The following ROBO2 variants were observed in gnomAD, a reference collection of about 807,000 sequenced individuals.
The protein encoded by ROBO2 is roundabout guidance receptor 2, also known as roundabout homolog 2.
A neutral mutation model predicts 160.8 loss-of-function variants in ROBO2; 53 were observed. That is an observed-to-expected ratio of 0.33 (90% CI 0.26 to 0.41). The LOEUF (loss-of-function observed/expected upper bound fraction) is 0.41. Among genes scored for constraint, ROBO2 ranks in the 10% least tolerant of loss-of-function variants. The pLI, the probability that ROBO2 is intolerant of heterozygous loss-of-function variation, is 1.00. For missense variants in ROBO2, 1,577 were observed against 1,722.4 expected, an observed-to-expected ratio of 0.92 and a Z score of 1.49; for synonymous variants, 664 against 611.7, an observed-to-expected ratio of 1.09 and a Z score of -1.26.
intron 2 of ROBO2, among the ~76,000 whole-genome samples, chr3:77,173,067 T>C (rs966833645): frequency 5.3e-5 from 8 of 152,182 alleles, no homozygotes; most frequent in Admixed American, 2.6e-4. Context: ...TAAATCAACA[T>C]GGCAGAATCA....
intron 2 of ROBO2, among the ~76,000 whole-genome samples, chr3:77,155,810 T>C (rs1235743334): frequency 6.6e-6 from 1 of 152,060 alleles, no homozygotes; most frequent in Non-Finnish European, 1.5e-5. Flanking sequence ...TTCATGTCGT[T>C]AACTATTCCC....
chr3:76,252,786 C>A (rs1706101710), intron 2 of ROBO2, among the ~76,000 whole-genome samples: 1 of 148,774 alleles, frequency 6.7e-6, no homozygotes, highest in African/African-American at 2.5e-5. Context: ...CACACACACA[C>A]ACACACAGAG....
chr3:77,352,235 G>A (rs868649862), intron 2 of ROBO2, among the ~76,000 whole-genome samples: 1 of 148,298 alleles, frequency 6.7e-6, no homozygotes, highest in Non-Finnish European at 1.5e-5. Flanking sequence ...TTTTTTTTCT[G>A]AAAAAAAAAT....
intron 2 of ROBO2, among the ~76,000 whole-genome samples, chr3:76,188,396 T>C (rs1363097826): frequency 6.6e-6 from 1 of 151,986 alleles, no homozygotes; most frequent in Non-Finnish European, 1.5e-5. Context: ...GGGCATGTCA[T>C]GATGGAGGCA....
chr3:76,046,023 G>A (rs1396068149), intron 2 of ROBO2, among the ~76,000 whole-genome samples: 1 of 151,818 alleles, frequency 6.6e-6, no homozygotes, highest in Non-Finnish European at 1.5e-5. Context: ...CACTTTGACT[G>A]CCAGCACTGC....
chr3:77,369,689 G>A (rs2071456032), intron 2 of ROBO2, among the ~76,000 whole-genome samples: 1 of 152,156 alleles, frequency 6.6e-6, no homozygotes, highest in African/African-American at 2.4e-5. Flanking sequence ...TTCCCTGCAA[G>A]AGGATACTGG....
intron 2 of ROBO2, among the ~76,000 whole-genome samples, chr3:76,811,503 TGTC>T (rs1419285837): frequency 1.3e-5 from 2 of 152,116 alleles, no homozygotes; most frequent in Non-Finnish European, 2.9e-5. Flanking sequence ...TGGTTTTAAA[TGTC>T]GTGTTTTAAA....
At chr3:75,986,547 A>T (rs2065420795) in intron 2 of ROBO2, among the ~76,000 whole-genome samples, 1 of 151,474 alleles carries the variant, frequency 6.6e-6, no homozygotes, top group African/African-American at 2.4e-5. Context: ...AAAAAAGTTT[A>T]TCAAGTACAG....
intron 2 of ROBO2, among the ~76,000 whole-genome samples, chr3:76,484,666 T>C (rs911802139): frequency 6.6e-6 from 1 of 152,206 alleles, no homozygotes; most frequent in African/African-American, 2.4e-5. Context: ...GGATAATTTG[T>C]GTTAGGTTAT....
intron 2 of ROBO2, among the ~76,000 whole-genome samples, chr3:77,399,942 T>A (rs920297292): frequency 6.6e-6 from 1 of 152,128 alleles, no homozygotes; most frequent in Non-Finnish European, 1.5e-5. Context: ...CAGGTTGAAA[T>A]CTGCAGTGCG....
intron 2 of ROBO2, among the ~76,000 whole-genome samples, chr3:77,396,328 T>C (rs1458422123): frequency 6.6e-6 from 1 of 152,150 alleles, no homozygotes; most frequent in Non-Finnish European, 1.5e-5. Context: ...TTCAAATAAA[T>C]TTATTTCTTT....
At chr3:77,276,483 C>CT (rs2059835781) in intron 2 of ROBO2, among the ~76,000 whole-genome samples, 2 of 152,170 alleles carry the variant, frequency 1.3e-5, no homozygotes, top group African/African-American at 2.4e-5. Flanking sequence ...AGAATGCAGG[C>CT]TGTGGCAGTA....
At chr3:76,709,908 C>A (rs77028239) in intron 2 of ROBO2, among the ~76,000 whole-genome samples, 1 of 152,126 alleles carries the variant, frequency 6.6e-6, no homozygotes, top group African/African-American at 2.4e-5. Flanking sequence ...TATAACCAGA[C>A]CACTTCCTTC....
In ROBO2 at chr3:76,934,922, T is replaced by G. The variant is rs538501176; in HGVS notation, c.110-163092T>G. 5.9e-5 allele frequency among the ~76,000 whole-genome samples: 9 copies of G among 152,054 alleles called. 1 individual carries two copies. In the East Asian group the frequency reaches 1.7e-3, roughly 29 times the overall value. ...GGCTATTACTGTGACTTTTAAACTG[T>G]TTTTACTTTATTTTGAAATAATTTC... On this transcript the variant is annotated intron_variant, in intron 2 of 26. Coordinates refer to the ROBO2 transcript ENST00000487694.
At chr3:77,077,060 C>T (rs566320907) in intron 1 of ROBO2, among the ~76,000 whole-genome samples, 5 of 152,272 alleles carry the variant, frequency 3.3e-5, no homozygotes, top group Non-Finnish European at 7.4e-5. Flanking sequence ...ACATACAGCA[C>T]GTGTGAAATA....
At chr3:76,307,003 C>T (rs796550110) in intron 2 of ROBO2, among the ~76,000 whole-genome samples, 45 of 152,272 alleles carry the variant, frequency 3.0e-4, no homozygotes, top group African/African-American at 9.1e-4. Flanking sequence ...TGTTGACCCC[C>T]TACCATTGAA....
intron 2 of ROBO2, among the ~76,000 whole-genome samples, chr3:76,465,306 C>T (rs9990062): frequency 0.034 from 5,186 of 151,920 alleles, 262 homozygotes; most frequent in African/African-American, 0.11. Flanking sequence ...TATGTTAAAA[C>T]GTACATTTCA....
At chr3:77,503,138 T>C (rs2087869285) in intron 5 of ROBO2, among the ~76,000 whole-genome samples, 1 of 152,096 alleles carries the variant, frequency 6.6e-6, no homozygotes, top group Non-Finnish European at 1.5e-5. Context: ...TTCTCTACGA[T>C]GTGCTTATTT....
At chr3:76,408,837 A>T (rs550596305) in intron 2 of ROBO2, among the ~76,000 whole-genome samples, 2 of 152,166 alleles carry the variant, frequency 1.3e-5, no homozygotes, top group African/African-American at 4.8e-5. Context: ...AAATGTTGAT[A>T]ATTTGGAGTA....
Sources: gnomAD v4.1 joint callset for allele counts (sites outside exome capture counted in the v4.1 genomes callset) on GRCh38, gnomAD v4.1.1 for gene constraint, MANE v1.5 for transcripts, NCBI Gene and HGNC (gene_info 2026-07-23, HGNC 2026-07-21) for gene names.